Variants in TDRP observed in about 807,000 individuals in gnomAD.
The protein encoded by TDRP is testis development related protein, also known as testis development-related protein.
Under a neutral mutation model 10.5 loss-of-function variants are expected in TDRP, and 12 were observed. The ratio of observed to expected loss-of-function variants is 1.15; its 90% CI spans 0.73 to 1.86. The LOEUF is 1.86. TDRP is among the 40% of genes most tolerant of loss of function. The probability of loss-of-function intolerance (pLI) is 0.00; values close to 1 mark genes in which losing one functional copy is unlikely to be tolerated. For synonymous variants in TDRP, 139 were observed against 95.4 expected, an observed-to-expected ratio of 1.46 and a Z score of -2.67; for missense variants, 353 against 229.2, an observed-to-expected ratio of 1.54 and a Z score of -3.49.
chr8:503,268 C>G (rs2116745855), intron 1 of TDRP, among the ~76,000 whole-genome samples: 1 of 148,674 alleles, frequency 6.7e-6, no homozygotes, highest in African/African-American at 2.5e-5. Context: ...CAGAGCCACA[C>G]TAGGGCAACC....
chr8:531,885 G>A (rs1205565615), intron 1 of TDRP, among the ~76,000 whole-genome samples: 3 of 152,142 alleles, frequency 2.0e-5, no homozygotes, highest in African/African-American at 7.2e-5. Flanking sequence ...AGTATTTTAT[G>A]GTTTAAGAAA....
chr8:509,551 C>T (rs1024252471), intron 1 of TDRP, among the ~76,000 whole-genome samples: 4 of 152,128 alleles, frequency 2.6e-5, no homozygotes, highest in Non-Finnish European at 4.4e-5. Context: ...ATGGCTGGAG[C>T]GGCTGGGAGA....
At chr8:493,908 C>A (rs1801053337) in intron 2 of TDRP, among the ~76,000 whole-genome samples, 1 of 151,116 alleles carries the variant, frequency 6.6e-6, no homozygotes, top group Non-Finnish European at 1.5e-5. Context: ...CATAACCTTT[C>A]AAAATGCCAA....
rs1341152866 is a variant in TDRP, at chr8:492,260, TAAAG to T, written c.*135_*138del. On this transcript the variant is annotated 3_prime_UTR_variant, in exon 3 of 3. Transcript: ENST00000324079. ...ACAGTGTGTGTGAGAGTTCATTAAATAAAGAAACAGAGGTCCAAATATCAAATAT... is the reference window on the plus strand; with the variant it reads ...ACAGTGTGTGTGAGAGTTCATTAAATAAACAGAGGTCCAAATATCAAATAT... The T allele has an allele frequency of 2.8e-5, 38 of 1,335,044 alleles. No individual in the cohort carries two copies. Among genetic ancestry groups the T allele is most frequent in the Non-Finnish European group, 3.2e-5 (33 of 1,045,780 alleles). 82.7% of individuals were successfully genotyped at this position (1,335,044 alleles called of 1,614,324 possible).
chr8:524,682 C>G lies in TDRP; in HGVS notation c.108+19968G>C, dbSNP rs574120866. Among the ~76,000 whole-genome samples, 63 of 151,638 alleles carry G rather than the reference C, an allele frequency of 4.2e-4. 1 individual carries two copies. The highest frequency in any genetic ancestry group is 1.0e-3 in the South Asian group (5 of 4,820). The stretch of plus-strand genomic sequence containing the variant: ...TTAAACTGACATATGAAGAATGCAT[C>G]AGTCTCAAAAGTAGAATTGATGAGG... On this transcript the variant is annotated intron_variant, in intron 1 of 2. Coordinates refer to ENST00000324079, the MANE Select transcript of TDRP (RefSeq NM_001384899.1).
intron 1 of TDRP, among the ~76,000 whole-genome samples, chr8:500,292 T>C (rs1456852071): frequency 6.6e-6 from 1 of 152,238 alleles, no homozygotes; most frequent in Non-Finnish European, 1.5e-5. Flanking sequence ...TTATTCCTGT[T>C]AGGTTAAACG....
chr8:526,942 A>G (rs1420398944), intron 1 of TDRP, among the ~76,000 whole-genome samples: 1 of 152,134 alleles, frequency 6.6e-6, no homozygotes, highest in African/African-American at 2.4e-5. Flanking sequence ...ATGATCTTAT[A>G]CTTGGAAAAA....
At chr8:505,873 C>G (rs150890308) in intron 1 of TDRP, among the ~76,000 whole-genome samples, 28 of 152,296 alleles carry the variant, frequency 1.8e-4, no homozygotes, top group African/African-American at 5.8e-4. Context: ...GGCAGACACA[C>G]AAACCCTCAA....
At chr8:495,296 A>G (rs1277270621) in intron 1 of TDRP, among the ~76,000 whole-genome samples, 4 of 152,344 alleles carry the variant, frequency 2.6e-5, no homozygotes, top group African/African-American at 9.6e-5. Context: ...GAAGGTTGTT[A>G]CAAGAGGTCC....
intron 1 of TDRP, among the ~76,000 whole-genome samples, chr8:499,655 C>G (rs1449138364): frequency 6.6e-6 from 1 of 152,246 alleles, no homozygotes; most frequent in Non-Finnish European, 1.5e-5. Context: ...TGTGAGGCCA[C>G]TCCTCCACTC....
At chr8:532,914 G>A (rs887568233) in intron 1 of TDRP, among the ~76,000 whole-genome samples, 4 of 152,114 alleles carry the variant, frequency 2.6e-5, no homozygotes, top group Admixed American at 6.5e-5. Context: ...GACACTGCAT[G>A]GACCCCAAAG....
intron 1 of TDRP, among the ~76,000 whole-genome samples, chr8:529,434 G>A (rs1311850474): frequency 6.6e-6 from 1 of 152,102 alleles, no homozygotes; most frequent in Non-Finnish European, 1.5e-5. Flanking sequence ...ATAGGATTCT[G>A]TTTTTGTCCA....
intron 1 of TDRP, among the ~76,000 whole-genome samples, chr8:497,455 A>T (rs937070681): frequency 6.6e-6 from 1 of 152,234 alleles, no homozygotes; most frequent in Non-Finnish European, 1.5e-5. Context: ...TAAGCAGCAA[A>T]GGGTTCAACA....
intron 1 of TDRP, among the ~76,000 whole-genome samples, chr8:519,531 T>G (rs1584871069): frequency 6.6e-6 from 1 of 151,494 alleles, no homozygotes; most frequent in Admixed American, 6.6e-5. Flanking sequence ...TCTCTAAAAC[T>G]TTTTCATCTC....
intron 1 of TDRP, among the ~76,000 whole-genome samples, chr8:523,814 G>A (rs894412899): frequency 2.0e-4 from 31 of 152,270 alleles, no homozygotes; most frequent in Admixed American, 1.0e-3. Context: ...TGAGGTTTCT[G>A]ACTCCAGGCC....
intron 1 of TDRP, among the ~76,000 whole-genome samples, chr8:517,111 G>A (rs552314833): frequency 3.4e-4 from 52 of 152,262 alleles, no homozygotes; most frequent in African/African-American, 1.2e-3. Context: ...TCCCTTTGGC[G>A]CTCAGGCAAA....
intron 1 of TDRP, among the ~76,000 whole-genome samples, chr8:513,903 A>C (rs890576410): frequency 1.3e-5 from 2 of 152,246 alleles, no homozygotes; most frequent in Non-Finnish European, 2.9e-5. Context: ...TTACAATTAC[A>C]TCAAAATAAT....
chr8:538,127 T>C (rs1802393616), intron 1 of TDRP, among the ~76,000 whole-genome samples: 1 of 152,224 alleles, frequency 6.6e-6, no homozygotes, highest in Non-Finnish European at 1.5e-5. Flanking sequence ...AGAGGTTTGG[T>C]TCAGCTCCCA....
At chr8:533,556 C>T (rs1018644153) in intron 1 of TDRP, among the ~76,000 whole-genome samples, 2 of 152,204 alleles carry the variant, frequency 1.3e-5, no homozygotes, top group Non-Finnish European at 2.9e-5. Flanking sequence ...CTGACTAGAA[C>T]CCCAGACGTT....
Sources: gnomAD v4.1 joint callset for allele counts (sites outside exome capture counted in the v4.1 genomes callset) on GRCh38, gnomAD v4.1.1 for gene constraint, MANE v1.5 for transcripts, NCBI Gene and HGNC (gene_info 2026-07-23, HGNC 2026-07-21) for gene names.